Variants in TRERF1 observed in about 807,000 individuals in gnomAD.
TRERF1 encodes the protein transcriptional-regulating factor 1.
Under a neutral mutation model 122.9 loss-of-function variants are expected in TRERF1, and 27 were observed. That is an observed-to-expected ratio of 0.22 (90% CI 0.16 to 0.30). TRERF1 has a LOEUF of 0.30. Ranked by LOEUF, TRERF1 falls within the 10% of genes least tolerant of loss-of-function variation. TRERF1 has a pLI of 1.00. For missense variants in TRERF1, 1,248 were observed against 1,560.3 expected, an observed-to-expected ratio of 0.80 and a Z score of 3.37; for synonymous variants, 636 against 641.7, an observed-to-expected ratio of 0.99 and a Z score of 0.13.
At chr6:42,436,724 T>A (rs1486087020) in intron 2 of TRERF1, among the ~76,000 whole-genome samples, 7 of 150,056 alleles carry the variant, frequency 4.7e-5, no homozygotes, top group Admixed American at 4.6e-4. Context: ...AAGCCCTTTT[T>A]TATTTTCTTC....
chr6:42,428,196 A>G (rs1347017798), intron 2 of TRERF1, among the ~76,000 whole-genome samples: 1 of 152,188 alleles, frequency 6.6e-6, no homozygotes, highest in African/African-American at 2.4e-5. Context: ...CATTTCATTT[A>G]TTTTCTATGT....
intron 3 of TRERF1, among the ~76,000 whole-genome samples, chr6:42,313,832 T>C (rs918792469): frequency 6.6e-6 from 1 of 152,208 alleles, no homozygotes; most frequent in African/African-American, 2.4e-5. Context: ...CAGGACTTCC[T>C]GGGCTCCAAG....
rs1777396669 is a variant in TRERF1 at position 42,259,437 on chromosome 6, A to T, written c.2171T>A (p.Phe724Tyr). ...GTGGCCGGAGATGAGGACATTGCTG[A>T]AGAGCCCCGAGCCCTGGCGCACCGG... Residue 724 changes from phenylalanine (F) to tyrosine (Y), a missense_variant, in exon 9 of 18, where the codon TTC (phenylalanine) becomes TAC (tyrosine). Coordinates refer to ENST00000372922, the Ensembl canonical transcript of TRERF1. This position sits in a 1 kb window ranked among gnomAD's most constrained non-coding sequence, Gnocchi z 4.9. 2 of 1,594,598 alleles carry T rather than the reference A, an allele frequency of 1.3e-6. No individual in the cohort carries two copies. The highest frequency in any genetic ancestry group is 2.0e-4 in the Middle Eastern group (1 of 5,036).
Position 42,274,013 on chromosome 6 carries a change from A to G in TRERF1, c.-258-4165T>C, listed in dbSNP as rs193023958. On this transcript the variant is annotated intron_variant, in intron 4 of 17. Transcript: ENST00000372922. Reference sequence around the variant, plus strand: ...TCTGAGTTGCAGGAGGCTATTCTTTATTTGTTGACATTTCCAGAACTGGAA... The same window carrying G: ...TCTGAGTTGCAGGAGGCTATTCTTTGTTTGTTGACATTTCCAGAACTGGAA... 4.8e-3 allele frequency among the ~76,000 whole-genome samples: 730 copies of G among 152,324 alleles called. 4 individuals carry two copies. Among genetic ancestry groups the G allele is most frequent in the Non-Finnish European group, 8.1e-3 (548 of 68,022 alleles).
chr6:42,269,266 C>T lies in TRERF1; in HGVS notation c.325G>A (p.Gly109Arg). The change falls in exon 5 of 18, where the codon GGG becomes AGG. Residue 109 changes from glycine to arginine, a missense_variant. Gly to Arg is a moderately radical substitution (Grantham distance 125, BLOSUM62 -2). Transcript: ENST00000372922. This position sits in a 1 kb window ranked among gnomAD's most constrained non-coding sequence, Gnocchi z 4.9. ...GTGGGCTCAGCCTGGGCTGGTGCCC[C>T]CCACATCATGTTTGAGTTGGCCAGG... is the stretch of plus-strand genomic sequence containing the variant. 3 of 1,614,174 alleles carry T rather than the reference C, an allele frequency of 1.9e-6. No individual in the cohort carries two copies. The highest frequency in any genetic ancestry group is 1.7e-6 in the Non-Finnish European group (2 of 1,180,034).
intron 15 of TRERF1, among the ~76,000 whole-genome samples, chr6:42,237,369 C>A (rs1487514548): frequency 6.6e-6 from 1 of 152,216 alleles, no homozygotes; most frequent in East Asian, 1.9e-4. Flanking sequence ...CTCTCTCCAA[C>A]CTTCCCAGGG....
At chr6:42,316,461 G>A (rs1762517949) in intron 3 of TRERF1, among the ~76,000 whole-genome samples, 2 of 152,126 alleles carry the variant, frequency 1.3e-5, no homozygotes, top group Non-Finnish European at 2.9e-5. Flanking sequence ...ATTTTCAGGT[G>A]CCTGCTTATG....
At chr6:42,446,553 A>C (rs987671275) in intron 2 of TRERF1, among the ~76,000 whole-genome samples, 2 of 152,212 alleles carry the variant, frequency 1.3e-5, no homozygotes, top group Non-Finnish European at 2.9e-5. Flanking sequence ...GTGAAGTGGT[A>C]AGGGTAGGGG....
rs199682424 is a variant in TRERF1, at chr6:42,228,328, A to T, written c.*17T>A. The T allele has an allele frequency of 1.3e-6, 2 of 1,590,112 alleles. No individual in the cohort carries two copies. Among genetic ancestry groups the T allele is most frequent in the African/African-American group, 2.7e-5 (2 of 74,328 alleles). On this transcript the variant is annotated 3_prime_UTR_variant, in exon 18 of 18. Transcript: ENST00000372922. This position sits in a 1 kb window ranked among gnomAD's most constrained non-coding sequence, Gnocchi z 4.2. ...GAGGCCGTGGGTTTTCACTGTCTCT[A>T]AGTGACACACAGGGCTTTATAGTTC...
At chr6:42,291,796 C>T (rs1285751705) in intron 4 of TRERF1, among the ~76,000 whole-genome samples, 1 of 152,000 alleles carries the variant, frequency 6.6e-6, no homozygotes, top group Non-Finnish European at 1.5e-5. Context: ...CCACCCGCCT[C>T]GGCCTCCCAA....
intron 3 of TRERF1, among the ~76,000 whole-genome samples, chr6:42,311,890 C>T (rs1426832768): frequency 2.6e-5 from 4 of 151,760 alleles, no homozygotes; most frequent in Middle Eastern, 3.4e-3. Flanking sequence ...AAGCTGTTGT[C>T]GTCTTCCAAG....
chr6:42,444,071 C>G (rs1230436597), intron 2 of TRERF1, among the ~76,000 whole-genome samples: 1 of 151,930 alleles, frequency 6.6e-6, no homozygotes, highest in Non-Finnish European at 1.5e-5. Flanking sequence ...CTGACTCTCT[C>G]CTTTTCCACC....
At chr6:42,307,730 C>G (rs1324689510) in intron 3 of TRERF1, among the ~76,000 whole-genome samples, 1 of 151,712 alleles carries the variant, frequency 6.6e-6, no homozygotes, top group Non-Finnish European at 1.5e-5. Flanking sequence ...TACAACAGCA[C>G]ACGAAGTAAC....
At chr6:42,312,907 G>A (rs1382116098) in intron 3 of TRERF1, among the ~76,000 whole-genome samples, 1 of 152,190 alleles carries the variant, frequency 6.6e-6, no homozygotes, top group Non-Finnish European at 1.5e-5. Flanking sequence ...TGCCCAAATA[G>A]TTTTCTTGCC....
At chr6:42,354,880 T>C (rs555573429) in intron 3 of TRERF1, among the ~76,000 whole-genome samples, 10 of 152,216 alleles carry the variant, frequency 6.6e-5, no homozygotes, top group Non-Finnish European at 1.2e-4. Flanking sequence ...CAAGCAGACA[T>C]AGAAACATCT....
In TRERF1 at chr6:42,269,135, G is replaced by C. The variant is rs376784810; in HGVS notation, c.456C>G (p.Asn152Lys). The C allele has an allele frequency of 7.4e-6, 12 of 1,614,236 alleles. No individual in the cohort carries two copies. The highest frequency in any genetic ancestry group is 1.0e-5 in the Non-Finnish European group (12 of 1,180,046). The change falls in exon 5 of 18, where the codon AAC (asparagine) becomes AAG (lysine). Residue 152 changes from asparagine (N) to lysine (K), a missense_variant. By Grantham distance (94) the Asn-to-Lys change is moderately conservative. This residue lies in a region of TRERF1 where 946 missense variants were observed against 1,073.0 expected (regional missense o/e 0.88). Transcript: ENST00000372922. The surrounding 1 kb of genome is among the most constrained non-coding windows in gnomAD (Gnocchi z 4.9). ...TGTTGACCTGAATTCGCAGGTTTTG[G>C]TTGGCAAACACCTGGGTGAAAGAGT...
chr6:42,298,299 G>A (rs1245527392), intron 4 of TRERF1, among the ~76,000 whole-genome samples: 1 of 151,762 alleles, frequency 6.6e-6, no homozygotes, highest in Non-Finnish European at 1.5e-5. Context: ...GGGATTATAG[G>A]TGCGCGCCAC....
Position 42,269,828 on chromosome 6 carries a change from G to T in TRERF1, c.-238C>A. On this transcript the variant is annotated 5_prime_UTR_variant, in exon 5 of 18. Transcript: ENST00000372922. The surrounding 1 kb of genome is among the most constrained non-coding windows in gnomAD (Gnocchi z 4.9). ...GAGGTATAGACCACACAGCACTGTG[G>T]TGAGGAGACGTCGCTCACACCTGCA... The T allele has an allele frequency of 8.9e-7, 1 of 1,123,502 alleles. No individual in the cohort carries two copies. The highest frequency in any genetic ancestry group is 1.2e-6 in the Non-Finnish European group (1 of 842,604). The allele number at this position is 1,123,502 out of a possible 1,614,324, so 69.6% of individuals were successfully genotyped here. A position where few individuals can be genotyped will look rare whatever the true frequency, so the allele number is the denominator to read the frequency against.
chr6:42,259,181 T>C lies in TRERF1; in HGVS notation c.2269+158A>G, dbSNP rs1377669102. Reference sequence around the variant, plus strand: ...GCGATTCCCTTGAGGATAAGGGCTATGTATTCCAAGTCTTTCTTAACACCC... The same window carrying C: ...GCGATTCCCTTGAGGATAAGGGCTACGTATTCCAAGTCTTTCTTAACACCC... On this transcript the variant is annotated intron_variant, in intron 9 of 17. Transcript: ENST00000372922. This position sits in a 1 kb window ranked among gnomAD's most constrained non-coding sequence, Gnocchi z 4.9. Among the ~76,000 whole-genome samples the C allele has an allele frequency of 6.6e-6, 1 of 152,218 alleles. No individual in the cohort carries two copies. Among genetic ancestry groups the C allele is most frequent in the Non-Finnish European group, 1.5e-5 (1 of 68,042 alleles).
Sources: allele counts gnomAD v4.1 joint callset (sites outside exome capture counted in the v4.1 genomes callset), GRCh38; gene constraint gnomAD v4.1.1; regional missense constraint gnomAD v4.1.1; non-coding constraint Gnocchi (gnomAD v3.1); transcripts MANE v1.5; gene names NCBI Gene and HGNC (gene_info 2026-07-23, HGNC 2026-07-21).